TMEM131L: variants seen among roughly 807,000 people sequenced by gnomAD.
The protein encoded by TMEM131L is transmembrane 131 like.
A neutral mutation model predicts 192.2 loss-of-function variants in TMEM131L; 54 were observed. The ratio of observed to expected loss-of-function variants is 0.28; its 90% CI spans 0.23 to 0.35. The LOEUF (loss-of-function observed/expected upper bound fraction) is 0.35, where lower values mean the gene tolerates loss of function less well. Among genes scored for constraint, TMEM131L ranks in the 10% least tolerant of loss-of-function variants. TMEM131L has a pLI of 1.00. For synonymous variants in TMEM131L, 701 were observed against 704.9 expected (o/e 0.99, Z 0.09); for missense variants, 1,888 against 1,972.9 (o/e 0.96, Z 0.82).
chr4:153,598,605 TATTGAC>T lies in TMEM131L; in HGVS notation c.2142_2147del (p.Ile714_Asp715del). Reference sequence around the variant, plus strand: ...TTCACTACAGGAATAACTTGACTGTTATTGACATGATTGGCGTGGAAGGATTTGGAG... The same window carrying T: ...TTCACTACAGGAATAACTTGACTGTTATGATTGGCGTGGAAGGATTTGGAG... On this transcript the variant is annotated inframe_deletion, in exon 21 of 35. Transcript: ENST00000409959. 1 of 1,613,870 alleles carries T rather than the reference TATTGAC, an allele frequency of 6.2e-7. No individual in the cohort carries two copies. The highest frequency in any genetic ancestry group is 8.5e-7 in the Non-Finnish European group (1 of 1,179,776).
chr4:153,562,041 ATTT>A (rs754792062), intron 7 of TMEM131L, among the ~76,000 whole-genome samples: 1 of 145,344 alleles, frequency 6.9e-6, no homozygotes, highest in African/African-American at 2.5e-5. Context: ...TAAATTTTAA[ATTT>A]TTTTTTTTTT....
At position 153,596,385 on chromosome 4, in the gene TMEM131L, G is replaced by T; in HGVS notation, c.2123G>T (p.Arg708Leu). The T allele has an allele frequency of 6.2e-7, 1 of 1,613,196 alleles. No homozygotes were observed. Among genetic ancestry groups the T allele is most frequent in the Non-Finnish European group, 8.5e-7 (1 of 1,179,366 alleles). ...YGKVTSLILIRNNLTVIDMIG... is the reference protein window; with the variant it reads ...YGKVTSLILILNNLTVIDMIG... ...AAAGTTACCTCACTCATACTAATCC[G>T]GTAGGTGTGTTCCTGTTGTAGAATC... Residue 708 changes from arginine (R) to leucine (L), a missense_variant and splice_region_variant, in exon 20 of 35, where the codon CGG (arginine) becomes CTG (leucine). Physicochemically the swap from Arg to Leu is moderately radical, Grantham distance 102 (BLOSUM62 -2). Transcript: ENST00000409959.
intron 3 of TMEM131L, among the ~76,000 whole-genome samples, chr4:153,493,293 C>A (rs1459880114): frequency 7.5e-6 from 1 of 133,716 alleles, no homozygotes; most frequent in Middle Eastern, 4.9e-3. Flanking sequence ...TTGCAGTGAG[C>A]GGAGATAGTG....
At chr4:153,580,777 G>C (rs759500011) in intron 7 of TMEM131L, 49 bp from the exon 8 acceptor site, 3 of 1,059,170 alleles carry the variant, frequency 2.8e-6, no homozygotes, top group East Asian at 4.7e-5. Flanking sequence ...ATTAGTGTGA[G>C]ATTGAGCCTT....
intron 3 of TMEM131L, among the ~76,000 whole-genome samples, chr4:153,543,598 G>C (rs1736957803): frequency 6.6e-6 from 1 of 152,184 alleles, no homozygotes; most frequent in South Asian, 2.1e-4. Flanking sequence ...ACACCCCCCA[G>C]GCTGGGACTT....
chr4:153,538,514 G>GGTTAT (rs1736512573), intron 3 of TMEM131L, among the ~76,000 whole-genome samples: 1 of 152,070 alleles, frequency 6.6e-6, no homozygotes, highest in South Asian at 2.1e-4. Flanking sequence ...ATCAGATTTG[G>GGTTAT]GTTATGTTTG....
intron 3 of TMEM131L, among the ~76,000 whole-genome samples, chr4:153,502,434 T>A (rs919357121): frequency 1.3e-5 from 2 of 152,218 alleles, no homozygotes; most frequent in African/African-American, 4.8e-5. Context: ...ACCTTATTAG[T>A]ATACTCAATC....
chr4:153,622,799 A>T (rs938851125), intron 28 of TMEM131L, 99 bp from the exon 29 acceptor site: 1 of 1,159,544 alleles, frequency 8.6e-7, no homozygotes, highest in Non-Finnish European at 1.3e-6. Context: ...GCTGAAGGTG[A>T]ACCTGGCCCT....
At chr4:153,627,724 G>A (rs371494879) in intron 31 of TMEM131L, 37 bp downstream of exon 31, 8 of 1,536,000 alleles carry the variant, frequency 5.2e-6, no homozygotes, top group Non-Finnish European at 6.3e-6. Context: ...CATCAGCCAA[G>A]GGTTCTGTGC....
At chr4:153,489,911 G>A (rs1287470680) in intron 3 of TMEM131L, among the ~76,000 whole-genome samples, 5 of 152,060 alleles carry the variant, frequency 3.3e-5, no homozygotes, top group African/African-American at 1.2e-4. Context: ...GCCAGGCTGT[G>A]TGTGCTGTGG....
intron 3 of TMEM131L, among the ~76,000 whole-genome samples, chr4:153,529,276 A>G (rs1024388120): frequency 1.3e-5 from 2 of 152,230 alleles, no homozygotes; most frequent in African/African-American, 4.8e-5. Flanking sequence ...ATTTAAGGAA[A>G]TGGTACACAG....
chr4:153,581,021 A>G, intron 8 of TMEM131L, 118 bp downstream of exon 8: 1 of 668,176 alleles, frequency 1.5e-6, no homozygotes. Context: ...TGGGAGGCCG[A>G]GGCGAGTGGA....
intron 4 of TMEM131L, among the ~76,000 whole-genome samples, chr4:153,552,223 GTCTT>G (rs918940393): frequency 1.1e-4 from 16 of 151,882 alleles, no homozygotes; most frequent in African/African-American, 3.6e-4. Context: ...AAAAAAAAGA[GTCTT>G]TATTGTGAAA....
At chr4:153,619,073 G>T (rs555458658) in intron 26 of TMEM131L, among the ~76,000 whole-genome samples, 1 of 152,292 alleles carries the variant, frequency 6.6e-6, no homozygotes, top group East Asian at 1.9e-4. Context: ...CCGCCTCTCA[G>T]TAGTCCTGAA....
At chr4:153,579,081 G>A (rs921319788) in intron 7 of TMEM131L, among the ~76,000 whole-genome samples, 2 of 152,082 alleles carry the variant, frequency 1.3e-5, no homozygotes, top group African/African-American at 4.8e-5. Context: ...AGTTCTTCAG[G>A]CTGGTGTATT....
intron 3 of TMEM131L, among the ~76,000 whole-genome samples, chr4:153,535,857 G>T (rs1321311042): frequency 6.6e-6 from 1 of 151,924 alleles, no homozygotes; most frequent in African/African-American, 2.4e-5. Context: ...ATTTTTTTTA[G>T]TTGTAATCTT....
intron 34 of TMEM131L, 23 bp downstream of exon 34, chr4:153,635,594 C>G: frequency 6.2e-7 from 1 of 1,613,422 alleles, no homozygotes; most frequent in Non-Finnish European, 8.5e-7. Flanking sequence ...CATCCTGTGC[C>G]GTGAACCCCT....
intron 3 of TMEM131L, among the ~76,000 whole-genome samples, chr4:153,530,775 G>C (rs1294216058): frequency 6.6e-6 from 1 of 152,178 alleles, no homozygotes; most frequent in African/African-American, 2.4e-5. Flanking sequence ...GCAGCTGAGA[G>C]GATGTGGCTG....
chr4:153,502,704 A>G (rs187447180), intron 3 of TMEM131L, among the ~76,000 whole-genome samples: 2 of 152,362 alleles, frequency 1.3e-5, no homozygotes, highest in African/African-American at 4.8e-5. Context: ...GGTATTAGTC[A>G]TACATTATTT....
Sources: allele counts gnomAD v4.1 joint callset (sites outside exome capture counted in the v4.1 genomes callset), GRCh38; gene constraint gnomAD v4.1.1; transcripts MANE v1.5; gene names NCBI Gene and HGNC (gene_info 2026-07-23, HGNC 2026-07-21).